The following HEATR6 variants were observed in gnomAD, a reference collection of about 807,000 sequenced individuals.
HEATR6 encodes the protein HEAT repeat containing 6.
Under a neutral mutation model 132.8 loss-of-function variants are expected in HEATR6, and 106 were observed. That is an observed-to-expected ratio of 0.80 (90% CI 0.68 to 0.94). The LOEUF (loss-of-function observed/expected upper bound fraction) is 0.94, where lower values mean the gene tolerates loss of function less well. Among genes scored for constraint, HEATR6 ranks in the 40% least tolerant of loss-of-function variants. The pLI is 0.00. For synonymous variants in HEATR6, 529 were observed against 537.8 expected (o/e 0.98, Z 0.23); for missense variants, 1,339 against 1,425.1 (o/e 0.94, Z 0.97).
chr17:60,070,902 G>A (rs146668253), intron 5 of HEATR6, 95 bp from the exon 6 acceptor site: 1 of 696,542 alleles, frequency 1.4e-6, no homozygotes, highest in East Asian at 2.5e-5. Context: ...AAGAGAGACA[G>A]TCTCTAGATG....
At chr17:60,071,501 T>G (rs952093717) in intron 5 of HEATR6, among the ~76,000 whole-genome samples, 2 of 152,202 alleles carry the variant, frequency 1.3e-5, no homozygotes, top group African/African-American at 4.8e-5. Context: ...AACCCCACAA[T>G]GTGGTTATAT....
intron 14 of HEATR6, among the ~76,000 whole-genome samples, chr17:60,054,378 A>G (rs989825261): frequency 6.6e-6 from 1 of 152,228 alleles, no homozygotes; most frequent in Non-Finnish European, 1.5e-5. Flanking sequence ...GAGAGCCTCT[A>G]CTAGGGCAGT....
chr17:60,062,617 T>C (rs965650908), intron 9 of HEATR6, among the ~76,000 whole-genome samples: 2 of 152,220 alleles, frequency 1.3e-5, no homozygotes, highest in African/African-American at 4.8e-5. Context: ...GAAGTTTCCA[T>C]GCAGGGCACA....
chr17:60,060,510 T>C (rs894124340), intron 9 of HEATR6, among the ~76,000 whole-genome samples: 1 of 152,102 alleles, frequency 6.6e-6, no homozygotes, highest in South Asian at 2.1e-4. Flanking sequence ...AGCTACACCA[T>C]AGCACAAAAA....
rs199943781 is a variant in HEATR6 at position 60,078,700 on chromosome 17, G to A, written c.215C>T (p.Pro72Leu). Residue 72 changes from proline to leucine, a missense_variant, in exon 1 of 20, where the codon CCG (proline) becomes CTG (leucine). Physicochemically the swap from Pro to Leu is moderately conservative, Grantham distance 98 (BLOSUM62 -3). Transcript: ENST00000184956. ...ENYSEGSGVAPEDVSALLVQA... is the reference protein window; with the variant it reads ...ENYSEGSGVALEDVSALLVQA... ...CCAGCAGGGCGCGCCGCCTACCTCC[G>A]GGGCCACGCCACTGCCCTCGCTGTA... The A allele has an allele frequency of 2.9e-4, 454 of 1,541,040 alleles. 1 individual carries two copies. The African/African-American group carries it at 4.0e-3, about 14-fold the overall frequency.
chr17:60,076,064 A>G, intron 2 of HEATR6, 66 bp downstream of exon 2: 4 of 930,530 alleles, frequency 4.3e-6, no homozygotes, highest in Non-Finnish European at 6.9e-6. Flanking sequence ...CAGATGTAGT[A>G]TTTCAAAGGT....
In HEATR6 at chr17:60,050,898, G is replaced by A. The variant is rs778034719; in HGVS notation, c.2369C>T (p.Ala790Val). Residue 790 changes from alanine (A) to valine (V), a missense_variant, in exon 15 of 20, where the codon GCG becomes GTG. By Grantham distance (64) the Ala-to-Val change is moderately conservative (BLOSUM62 0). Coordinates refer to ENST00000184956, the MANE Select transcript of HEATR6 (RefSeq NM_022070.5). ...LQNSEHPTLQ[A>V]SACDALSSIL... ...GGAAGACAGGGCATCACAGGCGCTC[G>A]CCTGGAGAGTTGGGTGTTCTGAATT... 3.1e-5 allele frequency: 50 copies of A among 1,614,090 alleles called. No individual in the cohort carries two copies. The highest frequency in any genetic ancestry group is 1.6e-4 in the Middle Eastern group (1 of 6,084).
At chr17:60,052,564 T>C (rs986514880) in intron 14 of HEATR6, among the ~76,000 whole-genome samples, 1 of 152,154 alleles carries the variant, frequency 6.6e-6, no homozygotes, top group Non-Finnish European at 1.5e-5. Context: ...TCCCTGCACA[T>C]GTTATATGAA....
Position 60,067,541 on chromosome 17 carries a change from T to G in HEATR6, c.1131A>C (p.Ala377=). Residue 377 remains alanine, a synonymous_variant, in exon 8 of 20, where the codon GCA becomes GCC. Transcript: ENST00000184956. ...AGGATGAGGAGACTCCATCTTTTTC[T>G]GCAGCTCCACTTCCATCTAAAGGCA... The part of the protein sequence containing the change: ...QSLPLDGSGA[A]EKDGVSSSFS... 6.2e-7 allele frequency: 1 copy of G among 1,613,740 alleles called. No individual in the cohort carries two copies. The highest frequency in any genetic ancestry group is 1.1e-5 in the South Asian group (1 of 90,996).
At chr17:60,052,637 C>T (rs1371936313) in intron 14 of HEATR6, among the ~76,000 whole-genome samples, 1 of 152,132 alleles carries the variant, frequency 6.6e-6, no homozygotes, top group Non-Finnish European at 1.5e-5. Flanking sequence ...GCAAGGATGA[C>T]AGAAATTGTG....
intron 9 of HEATR6, among the ~76,000 whole-genome samples, chr17:60,060,808 G>A (rs2083206689): frequency 6.6e-6 from 1 of 152,126 alleles, no homozygotes. Flanking sequence ...AAATAACACT[G>A]CCTGCAGTGA....
At chr17:60,060,832 T>C (rs1352756323) in intron 9 of HEATR6, among the ~76,000 whole-genome samples, 2 of 152,036 alleles carry the variant, frequency 1.3e-5, no homozygotes, top group African/African-American at 4.8e-5. Context: ...TATTTGACAA[T>C]TCAAAAAAGG....
In HEATR6 at chr17:60,066,117, T is replaced by C. The variant is rs746606833; in HGVS notation, c.1416+92A>G. 63 of 1,094,444 alleles carry C rather than the reference T, an allele frequency of 5.8e-5. 1 individual carries two copies. The highest frequency in any genetic ancestry group is 7.1e-5 in the Non-Finnish European group (52 of 734,724). The allele number at this position is 1,094,444 out of a possible 1,614,324, so 67.8% of individuals were successfully genotyped here. The stretch of plus-strand genomic sequence containing the variant: ...CTTGGGTCAGTGTTACTAAGAGCTA[T>C]ATTCAGATCAGACAGGATAAGGCAG... On this transcript the variant is annotated intron_variant, in intron 9 of 19. Coordinates refer to ENST00000184956, the MANE Select transcript of HEATR6 (RefSeq NM_022070.5).
At position 60,059,972 on chromosome 17, in the gene HEATR6, C is replaced by T; in HGVS notation, c.1541G>A (p.Cys514Tyr). 6.2e-7 allele frequency: 1 copy of T among 1,613,826 alleles called. No individual in the cohort carries two copies. The highest frequency in any genetic ancestry group is 8.5e-7 in the Non-Finnish European group (1 of 1,179,768). The change falls in exon 10 of 20, where the codon TGC becomes TAC. Residue 514 changes from cysteine (C) to tyrosine (Y), a missense_variant. Transcript: ENST00000184956. ...AFTPFSVMIA[C>Y]SIRELHRCLL... ...ACATCTGTGCAACTCTCTAATGCTG[C>T]AAGCGATCATTACGGAGAAGGGGGT... is the stretch of plus-strand genomic sequence containing the variant.
intron 7 of HEATR6, 28 bp from the exon 8 acceptor site, chr17:60,067,760 T>G (rs758814249): frequency 1.3e-6 from 2 of 1,556,230 alleles, no homozygotes; most frequent in East Asian, 2.3e-5. Flanking sequence ...TGAAGACATA[T>G]ATAATAACTA....
chr17:60,059,315 T>C, intron 11 of HEATR6, 107 bp downstream of exon 11: 4 of 621,728 alleles, frequency 6.4e-6, no homozygotes, highest in Non-Finnish European at 1.1e-5. Flanking sequence ...CTCTTAAGAG[T>C]TGTAAAAATG....
At chr17:60,057,002 G>A in intron 12 of HEATR6, 46 bp downstream of exon 12, 5 of 1,411,234 alleles carry the variant, frequency 3.5e-6, no homozygotes, top group Non-Finnish European at 4.8e-6. Flanking sequence ...CTCTGAAGGA[G>A]GAATGGTTAC....
chr17:60,045,539 T>C (rs991028463), intron 19 of HEATR6, among the ~76,000 whole-genome samples: 1 of 152,192 alleles, frequency 6.6e-6, no homozygotes, highest in Non-Finnish European at 1.5e-5. Context: ...ACACAGCTCA[T>C]AGGGGATTTC....
chr17:60,073,933 A>G, intron 2 of HEATR6, 47 bp from the exon 3 acceptor site: 1 of 1,590,034 alleles, frequency 6.3e-7, no homozygotes, highest in Non-Finnish European at 8.6e-7. Context: ...TTTAAAAAAT[A>G]TTATGCTTTT....
Sources: gnomAD v4.1 joint callset for allele counts (sites outside exome capture counted in the v4.1 genomes callset) on GRCh38, gnomAD v4.1.1 for gene constraint, MANE v1.5 for transcripts, NCBI Gene and HGNC (gene_info 2026-07-23, HGNC 2026-07-21) for gene names.